DMD: variants seen among roughly 807,000 people sequenced by gnomAD.
DMD encodes mutant dystrophin.
In DMD, 63 loss-of-function variants were observed where a neutral mutation model predicts 330.1. The ratio of observed to expected loss-of-function variants is 0.19; its 90% CI spans 0.16 to 0.24. The LOEUF is 0.24. DMD is among the 10% of genes least tolerant of loss of function. DMD has a pLI of 1.00. For missense variants in DMD, 3,344 were observed against 2,684.1 expected (o/e 1.25, Z -5.43); for synonymous variants, 1,223 against 959.8 (o/e 1.27, Z -5.07).
At chrX:32,757,874 T>C (rs2071707582) in intron 7 of DMD, among the ~76,000 whole-genome samples, 1 of 111,650 alleles carries the variant, frequency 9.0e-6, no homozygotes, top group East Asian at 2.8e-4. Flanking sequence ...CATCAACCCA[T>C]CTCTCATTTT....
chrX:31,529,892 T>A (rs2073582322), intron 55 of DMD, among the ~76,000 whole-genome samples: 1 of 95,907 alleles, frequency 1.0e-5, no homozygotes, highest in Non-Finnish European at 2.1e-5. Context: ...AAAGAAAGAT[T>A]TCTTTAAAAA....
intron 60 of DMD, among the ~76,000 whole-genome samples, chrX:31,428,937 T>C (rs751830738): frequency 5.4e-5 from 6 of 110,569 alleles, no homozygotes; most frequent in Admixed American, 9.6e-5. Context: ...CTGGCCAGCA[T>C]GGTGAAACCC....
At chrX:31,225,053 G>A (rs2046444222) in intron 63 of DMD, among the ~76,000 whole-genome samples, 1 of 112,543 alleles carries the variant, frequency 8.9e-6, no homozygotes, top group South Asian at 3.6e-4. Context: ...TGATTGGCAT[G>A]GTGGTTACAC....
intron 55 of DMD, among the ~76,000 whole-genome samples, chrX:31,571,260 T>TGTGG: frequency 1.3e-5 from 1 of 77,095 alleles, no homozygotes; most frequent in African/African-American, 4.1e-5. Context: ...AAGGGGTGTG[T>TGTGG]GTGTGTGTGT....
At chrX:32,304,829 C>A (rs1384951335) in intron 42 of DMD, among the ~76,000 whole-genome samples, 2 of 111,282 alleles carry the variant, frequency 1.8e-5, no homozygotes, top group Non-Finnish European at 3.8e-5. Flanking sequence ...TTCAAAAGAT[C>A]AGTTTCTACA....
At chrX:31,753,016 G>C (rs1280685672) in intron 51 of DMD, among the ~76,000 whole-genome samples, 2 of 112,011 alleles carry the variant, frequency 1.8e-5, no homozygotes, top group Non-Finnish European at 3.8e-5. Flanking sequence ...TATGAAAATT[G>C]AAAGTTAGCC....
chrX:32,166,587 C>G (rs2096869268), intron 44 of DMD, among the ~76,000 whole-genome samples: 1 of 112,122 alleles, frequency 8.9e-6, no homozygotes, highest in African/African-American at 3.2e-5. Flanking sequence ...TTTCTCCTTT[C>G]CTAACTTCCC....
intron 63 of DMD, among the ~76,000 whole-genome samples, chrX:31,246,710 G>A (rs964460698): frequency 4.5e-5 from 5 of 111,537 alleles, no homozygotes; most frequent in African/African-American, 1.6e-4. Context: ...GGCAGATCAC[G>A]AGGTCAGGAG....
intron 2 of DMD, among the ~76,000 whole-genome samples, chrX:32,857,364 A>G (rs1003685939): frequency 8.9e-6 from 1 of 112,300 alleles, no homozygotes; most frequent in Admixed American, 9.4e-5. Flanking sequence ...AGTGCTGCCA[A>G]GAACTTCATA....
At chrX:31,367,697 C>T (rs143324965) in intron 60 of DMD, among the ~76,000 whole-genome samples, 229 of 111,733 alleles carry the variant, frequency 2.0e-3, no homozygotes, top group African/African-American at 6.8e-3. Context: ...TTTGTAATAA[C>T]CCCATGAGTT....
intron 47 of DMD, among the ~76,000 whole-genome samples, chrX:31,926,489 A>T (rs2094428396): frequency 9.0e-6 from 1 of 110,607 alleles, no homozygotes; most frequent in African/African-American, 3.3e-5. Flanking sequence ...AGCCTGGCCG[A>T]CATGGCGAAC....
Position 32,513,052 on chromosome X carries a change from C to A in DMD, c.2292+4956G>T, listed in dbSNP as rs887524899. On this transcript the variant is annotated intron_variant, in intron 18 of 78. Coordinates refer to ENST00000357033, the MANE Select transcript of DMD (RefSeq NM_004006.3). ...ATTTGGTCATTAGGCGTGGTTTGGA[C>A]AATGCTATTCTTTTTTACTGTATTA... Among the ~76,000 whole-genome samples, 4 of 112,034 alleles carry A rather than the reference C, an allele frequency of 3.6e-5. No individual in the cohort carries two copies. The South Asian group carries it at 1.5e-3, about 42-fold the overall frequency.
chrX:32,994,099 G>A (rs2093052587), intron 2 of DMD, among the ~76,000 whole-genome samples: 1 of 110,287 alleles, frequency 9.1e-6, no homozygotes, highest in African/African-American at 3.3e-5. Flanking sequence ...TCTTCTCTGT[G>A]TCCCAGTGTG....
At chrX:31,354,621 G>C (rs139088607) in intron 60 of DMD, among the ~76,000 whole-genome samples, 1,377 of 111,373 alleles carry the variant, frequency 0.012, 19 homozygotes, top group African/African-American at 0.043. Flanking sequence ...TATTCTCCTT[G>C]GTCTTCTCAT....
At chrX:31,815,715 C>T (rs1021760356) in intron 50 of DMD, among the ~76,000 whole-genome samples, 3 of 111,710 alleles carry the variant, frequency 2.7e-5, no homozygotes, top group African/African-American at 9.8e-5. Context: ...TGCGATGTGG[C>T]ATCTCCTCCT....
intron 23 of DMD, among the ~76,000 whole-genome samples, chrX:32,465,880 G>C (rs934425055): frequency 4.5e-5 from 5 of 110,900 alleles, no homozygotes; most frequent in African/African-American, 1.6e-4. Flanking sequence ...CACTACGCCT[G>C]GGCTGTTCAG....
intron 2 of DMD, among the ~76,000 whole-genome samples, chrX:32,868,889 C>A (rs1482845569): frequency 8.9e-6 from 1 of 112,179 alleles, no homozygotes; most frequent in Non-Finnish European, 1.9e-5. Flanking sequence ...CCCCCTCGAC[C>A]AAGGGGCAGC....
intron 44 of DMD, among the ~76,000 whole-genome samples, chrX:32,051,187 G>A (rs1023868862): frequency 9.2e-6 from 1 of 109,256 alleles, no homozygotes; most frequent in Admixed American, 9.9e-5. Flanking sequence ...CTAACATAAA[G>A]TATAGGTTAG....
intron 1 of DMD, among the ~76,000 whole-genome samples, chrX:33,142,912 C>G (rs1400601081): frequency 9.0e-6 from 1 of 111,415 alleles, no homozygotes; most frequent in East Asian, 2.8e-4. Flanking sequence ...CCCAAGTTGT[C>G]TTAAGAATAT....
Sources: allele counts gnomAD v4.1 joint callset (sites outside exome capture counted in the v4.1 genomes callset), GRCh38; gene constraint gnomAD v4.1.1; transcripts MANE v1.5; gene names NCBI Gene and HGNC (gene_info 2026-07-23, HGNC 2026-07-21).